ICA1: variants seen among roughly 807,000 people sequenced by gnomAD.
The protein encoded by ICA1 is 69 kDa islet cell autoantigen.
ICA1 carries 40 observed loss-of-function variants against 71.0 expected under a neutral mutation model. The ratio of observed to expected loss-of-function variants is 0.56; its 90% CI spans 0.44 to 0.73. The LOEUF (loss-of-function observed/expected upper bound fraction) is 0.73. Ranked by LOEUF, ICA1 falls within the 30% of genes least tolerant of loss-of-function variation. ICA1 has a pLI of 0.00. For synonymous variants in ICA1, 207 were observed against 209.5 expected (o/e 0.99, Z 0.10); for missense variants, 578 against 576.5 (o/e 1.00, Z -0.03).
chr7:8,151,927 G>C (rs575418055), intron 8 of ICA1, among the ~76,000 whole-genome samples: 61 of 152,328 alleles, frequency 4.0e-4, no homozygotes, highest in African/African-American at 1.5e-3. Context: ...CATGTTCAGA[G>C]TTACGTTTTC....
intron 1 of ICA1, among the ~76,000 whole-genome samples, chr7:8,238,424 A>G (rs973066186): frequency 5.9e-5 from 9 of 152,158 alleles, no homozygotes; most frequent in Admixed American, 3.3e-4. Flanking sequence ...TGCCATTTGT[A>G]TATTTTCTTT....
intron 4 of ICA1, among the ~76,000 whole-genome samples, chr7:8,225,602 T>C (rs1214092925): frequency 1.3e-5 from 2 of 152,214 alleles, no homozygotes; most frequent in Admixed American, 1.3e-4. Context: ...GCGTTAGTGC[T>C]TCTAGGTCAT....
At chr7:8,247,750 C>G (rs1034384237) in intron 1 of ICA1, among the ~76,000 whole-genome samples, 3 of 152,178 alleles carry the variant, frequency 2.0e-5, no homozygotes, top group African/African-American at 7.2e-5. Flanking sequence ...AACGCTTGTT[C>G]TGACCTAGAA....
At chr7:8,114,632 C>T (rs1784209715) in intron 13 of ICA1, among the ~76,000 whole-genome samples, 2 of 152,174 alleles carry the variant, frequency 1.3e-5, no homozygotes, top group Non-Finnish European at 2.9e-5. Context: ...GGTCAATTCC[C>T]CTCACTCTTC....
chr7:8,164,640 C>A (rs1805224347), intron 6 of ICA1, among the ~76,000 whole-genome samples: 1 of 152,248 alleles, frequency 6.6e-6, no homozygotes, highest in African/African-American at 2.4e-5. Flanking sequence ...TTAACTGGAT[C>A]TGTTCACCCC....
rs1453801397 is a variant in ICA1, at chr7:8,173,740, A to T, written c.580-15088T>A. ...TAAGATGTTTCATAAACCTCAGGCC[A>T]TTCCAGGTTTTAATTTTCCTGACAC... On this transcript the variant is annotated intron_variant, in intron 6 of 13. Coordinates refer to ENST00000402384, the MANE Select transcript of ICA1 (RefSeq NM_001136020.3). The surrounding 1 kb of genome is among the most constrained non-coding windows in gnomAD (Gnocchi z 4.0). 6.6e-6 allele frequency among the ~76,000 whole-genome samples: 1 copy of T among 152,134 alleles called. No individual in the cohort carries two copies. Among genetic ancestry groups the T allele is most frequent in the African/African-American group, 2.4e-5 (1 of 41,436 alleles).
chr7:8,239,989 C>G (rs1338691968), intron 1 of ICA1, among the ~76,000 whole-genome samples: 1 of 152,234 alleles, frequency 6.6e-6, no homozygotes, highest in Non-Finnish European at 1.5e-5. Context: ...GAACAAAAGG[C>G]AGCAGAAACT....
chr7:8,228,085 T>C (rs1404053903), intron 4 of ICA1, among the ~76,000 whole-genome samples: 6 of 152,186 alleles, frequency 3.9e-5, no homozygotes, highest in Admixed American at 2.6e-4. Flanking sequence ...AATTGATATT[T>C]AGTATTTCAG....
intron 6 of ICA1, among the ~76,000 whole-genome samples, chr7:8,179,079 T>A (rs78836284): frequency 6.6e-6 from 1 of 152,160 alleles, no homozygotes; most frequent in African/African-American, 2.4e-5. Flanking sequence ...TGCTTTCTCT[T>A]TTTGGGATGA....
intron 6 of ICA1, among the ~76,000 whole-genome samples, chr7:8,215,826 C>A (rs1271460234): frequency 1.3e-5 from 2 of 152,160 alleles, no homozygotes; most frequent in African/African-American, 4.8e-5. Flanking sequence ...TGAAACTCCC[C>A]CTCCCACAGT....
At chr7:8,140,024 C>T (rs1045783106) in intron 10 of ICA1, among the ~76,000 whole-genome samples, 3 of 152,200 alleles carry the variant, frequency 2.0e-5, no homozygotes, top group African/African-American at 4.8e-5. Context: ...GCAAATACCA[C>T]AAGCAATTAT....
chr7:8,236,034 TACAC>T, intron 1 of ICA1, 29 bp from the exon 2 acceptor site: 3 of 1,138,608 alleles, frequency 2.6e-6, no homozygotes, highest in Admixed American at 3.9e-5. Flanking sequence ...GTTTAATAGT[TACAC>T]ACCATATTAT....
In ICA1 at chr7:8,138,857, A is replaced by T. The variant is rs761173764; in HGVS notation, c.1043T>A (p.Met348Lys). The T allele has an allele frequency of 1.0e-5, 16 of 1,605,556 alleles. No homozygotes were observed. The highest frequency in any genetic ancestry group is 1.7e-5 in the Admixed American group (1 of 59,844). ...CSGPIDELLD[M>K]KSEEGACLGP... ...AATCTTACCACCTTCCTCAGATTTCATGTCTAATAGTTCATCTATGGGTCC... is the reference window on the plus strand; with the variant it reads ...AATCTTACCACCTTCCTCAGATTTCTTGTCTAATAGTTCATCTATGGGTCC... The change falls in exon 12 of 14, where the codon ATG becomes AAG. Residue 348 changes from methionine to lysine, a missense_variant. Physicochemically the swap from Met to Lys is moderately conservative, Grantham distance 95. Coordinates refer to ENST00000402384, the MANE Select transcript of ICA1 (RefSeq NM_001136020.3).
intron 6 of ICA1, among the ~76,000 whole-genome samples, chr7:8,215,063 C>A (rs1291240990): frequency 1.3e-5 from 2 of 152,120 alleles, no homozygotes; most frequent in Non-Finnish European, 2.9e-5. Flanking sequence ...GTTCTCCCAG[C>A]CTCCAAGCTT....
intron 1 of ICA1, among the ~76,000 whole-genome samples, chr7:8,254,807 T>C (rs1448992071): frequency 6.6e-6 from 1 of 152,048 alleles, no homozygotes; most frequent in Non-Finnish European, 1.5e-5. Context: ...TACTTCACAA[T>C]GATGCCAATG....
chr7:8,155,173 C>T (rs914656231), intron 8 of ICA1, among the ~76,000 whole-genome samples: 1 of 152,152 alleles, frequency 6.6e-6, no homozygotes, highest in Admixed American at 6.5e-5. Flanking sequence ...CATCATTATA[C>T]CCTAACAGAT....
At chr7:8,139,123 G>C in intron 10 of ICA1, 76 bp from the exon 11 acceptor site, 2 of 1,131,938 alleles carry the variant, frequency 1.8e-6, no homozygotes, top group Non-Finnish European at 2.7e-6. Flanking sequence ...GCAGTGTAAG[G>C]TAAATGCACG....
Position 8,129,242 on chromosome 7 carries a change from A to G in ICA1, c.1061-1100T>C, listed in dbSNP as rs549272231. 3.9e-5 allele frequency among the ~76,000 whole-genome samples: 6 copies of G among 152,272 alleles called. No individual in the cohort carries two copies. The East Asian group carries it at 1.2e-3, about 29-fold the overall frequency. On this transcript the variant is annotated intron_variant, in intron 12 of 13. Transcript: ENST00000402384. The stretch of plus-strand genomic sequence containing the variant: ...CTATAAACATTTTTGTTGTTAATTC[A>G]CAAAGAGAAGAAAAAAATCATGATT...
rs188668231 is a variant in ICA1 at position 8,164,883 on chromosome 7, G to A, written c.580-6231C>T. Among the ~76,000 whole-genome samples, 175 of 152,246 alleles carry A rather than the reference G, an allele frequency of 1.1e-3. 1 individual carries two copies. The Middle Eastern group carries it at 0.024, about 21-fold the overall frequency. On this transcript the variant is annotated intron_variant, in intron 6 of 13. Transcript: ENST00000402384. ...GCTTGAGCCCAGGTGTTCAAGACCA[G>A]CCTGGGCAACATGGCAAAACCCTAT...
Sources: gnomAD v4.1 joint callset for allele counts (sites outside exome capture counted in the v4.1 genomes callset) on GRCh38, gnomAD v4.1.1 for gene constraint, Gnocchi (gnomAD v3.1) non-coding constraint, MANE v1.5 for transcripts, NCBI Gene and HGNC (gene_info 2026-07-23, HGNC 2026-07-21) for gene names.